Variants in TTC27 observed in about 807,000 individuals in gnomAD.
The protein encoded by TTC27 is tetratricopeptide repeat protein 27.
TTC27 carries 79 observed loss-of-function variants against 115.9 expected under a neutral mutation model. That is an observed-to-expected ratio of 0.68 (90% confidence interval 0.57 to 0.82). The LOEUF is 0.82. Among genes scored for constraint, TTC27 ranks in the 40% least tolerant of loss-of-function variants. The probability of loss-of-function intolerance (pLI) is 0.00; values close to 1 mark genes in which losing one functional copy is unlikely to be tolerated. For synonymous variants in TTC27, 401 were observed against 356.0 expected, an observed-to-expected ratio of 1.13 and a Z score of -1.42; for missense variants, 1,054 against 993.1, an observed-to-expected ratio of 1.06 and a Z score of -0.82.
intron 5 of TTC27, among the ~76,000 whole-genome samples, chr2:32,658,758 C>T (rs1665426760): frequency 6.6e-6 from 1 of 152,152 alleles, no homozygotes; most frequent in Non-Finnish European, 1.5e-5. Context: ...TTACTTGTTA[C>T]TTGTATGTCA....
At chr2:32,767,993 A>G (rs548243856) in intron 13 of TTC27, among the ~76,000 whole-genome samples, 1 of 152,348 alleles carries the variant, frequency 6.6e-6, no homozygotes, top group South Asian at 2.1e-4. Context: ...TCTTAGGAAA[A>G]AATAAAAAAT....
At chr2:32,682,844 G>GGTT (rs1553550061) in intron 9 of TTC27, among the ~76,000 whole-genome samples, 1 of 56,988 alleles carries the variant, frequency 1.8e-5, no homozygotes, top group African/African-American at 7.5e-5. Flanking sequence ...AATTTTTATT[G>GGTT]TTGTTTTTTT....
intron 12 of TTC27, among the ~76,000 whole-genome samples, chr2:32,754,514 A>G (rs1403413366): frequency 1.3e-5 from 2 of 149,546 alleles, no homozygotes; most frequent in Non-Finnish European, 3.0e-5. Context: ...CTTAGTACAG[A>G]ACAAAATGAA....
intron 13 of TTC27, among the ~76,000 whole-genome samples, chr2:32,774,635 T>C (rs1669936532): frequency 6.6e-6 from 1 of 152,214 alleles, no homozygotes. Flanking sequence ...TGTTTTTCTT[T>C]TATGATGTTC....
At chr2:32,726,895 CT>C (rs1158152529) in intron 10 of TTC27, among the ~76,000 whole-genome samples, 2 of 152,206 alleles carry the variant, frequency 1.3e-5, no homozygotes, top group African/African-American at 2.4e-5. Context: ...CAAGTCACAT[CT>C]TACATGGATG....
intron 12 of TTC27, among the ~76,000 whole-genome samples, chr2:32,747,176 G>A (rs1668859897): frequency 6.6e-6 from 1 of 152,138 alleles, no homozygotes; most frequent in Non-Finnish European, 1.5e-5. Flanking sequence ...TGCGGTGGGT[G>A]GGAGTTGGTG....
chr2:32,803,281 C>T (rs977088296), intron 16 of TTC27, among the ~76,000 whole-genome samples: 1 of 152,226 alleles, frequency 6.6e-6, no homozygotes, highest in Non-Finnish European at 1.5e-5. Context: ...GCCAGGCTGC[C>T]CAAGCCCTTG....
intron 16 of TTC27, among the ~76,000 whole-genome samples, chr2:32,790,589 T>A (rs1384865860): frequency 6.6e-6 from 1 of 152,178 alleles, no homozygotes; most frequent in Non-Finnish European, 1.5e-5. Context: ...ATATTTGACA[T>A]TTTACTGAGG....
chr2:32,636,565 T>C lies in TTC27; in HGVS notation c.396+2560T>C, dbSNP rs142066042. 5.9e-5 allele frequency among the ~76,000 whole-genome samples: 9 copies of C among 152,248 alleles called. No homozygotes were observed. In the East Asian group the frequency reaches 1.7e-3, roughly 29 times the overall value. The stretch of plus-strand genomic sequence containing the variant: ...GTCCTTACAGATTTGAGGTAATCTA[T>C]AGGTGAAAAGACTGAAGCTCAGAGT... On this transcript the variant is annotated intron_variant, in intron 3 of 19. Transcript: ENST00000317907.
chr2:32,711,959 T>G (rs1209133640), intron 10 of TTC27, among the ~76,000 whole-genome samples: 2 of 151,752 alleles, frequency 1.3e-5, no homozygotes, highest in Non-Finnish European at 1.5e-5. Flanking sequence ...AAAAAAGACT[T>G]AAGGAAAATA....
chr2:32,777,913 A>G lies in TTC27; in HGVS notation c.1712A>G (p.Tyr571Cys), dbSNP rs140152262. The G allele has an allele frequency of 1.4e-5, 23 of 1,613,946 alleles. No homozygotes were observed. Among genetic ancestry groups the G allele is most frequent in the South Asian group, 3.3e-5 (3 of 91,070 alleles). Reference protein sequence around the residue: ...LGVWFSLGCAYLALEDYQGSA... With the variant: ...LGVWFSLGCACLALEDYQGSA... Reference sequence around the variant, plus strand: ...GTGTGGTTTTCTCTCGGTTGTGCCTATTTGGCCTTGGAAGACTATCAAGGT... The same window carrying G: ...GTGTGGTTTTCTCTCGGTTGTGCCTGTTTGGCCTTGGAAGACTATCAAGGT... Residue 571 changes from tyrosine to cysteine, a missense_variant, in exon 14 of 20, where the codon TAT (tyrosine) becomes TGT (cysteine). Physicochemically the swap from Tyr to Cys is radical, Grantham distance 194. Coordinates refer to ENST00000317907, the MANE Select transcript of TTC27 (RefSeq NM_017735.5).
At chr2:32,726,209 A>G (rs962878856) in intron 10 of TTC27, among the ~76,000 whole-genome samples, 1 of 152,208 alleles carries the variant, frequency 6.6e-6, no homozygotes, top group Admixed American at 6.5e-5. Flanking sequence ...CTGGTTACTT[A>G]TGCAAATTTC....
In TTC27 at chr2:32,666,736, C is replaced by T. The variant is rs777462420; in HGVS notation, c.907C>T (p.Pro303Ser). 2.5e-6 allele frequency: 4 copies of T among 1,613,600 alleles called. No individual in the cohort carries two copies. In the Admixed American group the frequency reaches 6.7e-5, roughly 27 times the overall value. Residue 303 changes from proline (P) to serine (S), a missense_variant, in exon 7 of 20, where the codon CCA (proline) becomes TCA (serine). Physicochemically the swap from Pro to Ser is moderately conservative, Grantham distance 74. Transcript: ENST00000317907. ...TGTCCTTTCAAATTGTGAATTCACT[C>T]CAGCACCCACTCCTCAGGAACATTT... The part of the protein sequence containing the change: ...GDVLSNCEFT[P>S]APTPQEHLTK...
chr2:32,766,781 T>G, intron 13 of TTC27, among the ~76,000 whole-genome samples: 1 of 152,126 alleles, frequency 6.6e-6, no homozygotes, highest in East Asian at 1.9e-4. Flanking sequence ...TCATATTGCT[T>G]TATTATTTAT....
chr2:32,754,078 A>G (rs1188456704), intron 12 of TTC27, among the ~76,000 whole-genome samples: 2 of 151,098 alleles, frequency 1.3e-5, no homozygotes. Context: ...CATCTCAAAA[A>G]TAAAAATAAA....
At chr2:32,722,530 A>G (rs913313904) in intron 10 of TTC27, among the ~76,000 whole-genome samples, 5 of 152,224 alleles carry the variant, frequency 3.3e-5, no homozygotes, top group Admixed American at 6.5e-5. Flanking sequence ...TGAGGCACAG[A>G]AAGTTTAAAT....
At chr2:32,645,951 C>T (rs1285401962) in intron 4 of TTC27, among the ~76,000 whole-genome samples, 1 of 151,862 alleles carries the variant, frequency 6.6e-6, no homozygotes, top group Non-Finnish European at 1.5e-5. Context: ...AACTCCTGAC[C>T]TCAATGATCT....
chr2:32,788,488 A>G (rs183420411), intron 16 of TTC27, among the ~76,000 whole-genome samples: 104 of 152,332 alleles, frequency 6.8e-4, no homozygotes, highest in Non-Finnish European at 1.3e-3. Flanking sequence ...ATTACTGCTG[A>G]TAACTTGGCT....
At chr2:32,691,363 A>G (rs1380755610) in intron 9 of TTC27, among the ~76,000 whole-genome samples, 1 of 151,328 alleles carries the variant, frequency 6.6e-6, no homozygotes, top group Admixed American at 6.6e-5. Context: ...CAATGGCGCA[A>G]TCTCGGCTCA....
Sources: allele counts gnomAD v4.1 joint callset (sites outside exome capture counted in the v4.1 genomes callset), GRCh38; gene constraint gnomAD v4.1.1; transcripts MANE v1.5; gene names NCBI Gene and HGNC (gene_info 2026-07-23, HGNC 2026-07-21).